The following SGCZ variants were observed in gnomAD, a reference collection of about 807,000 sequenced individuals.
The protein encoded by SGCZ is zeta-sarcoglycan.
SGCZ carries 40 observed loss-of-function variants against 41.3 expected under a neutral mutation model. The ratio of observed to expected loss-of-function variants is 0.97; its 90% confidence interval spans 0.75 to 1.26. The LOEUF is 1.26. Ranked by LOEUF, SGCZ falls within the 50% of genes most tolerant of loss-of-function variation. The pLI, the probability that SGCZ is intolerant of heterozygous loss-of-function variation, is 0.00. For missense variants in SGCZ, 552 were observed against 369.8 expected, an observed-to-expected ratio of 1.49 and a Z score of -4.04; for synonymous variants, 206 against 137.5, an observed-to-expected ratio of 1.50 and a Z score of -3.49.
chr8:15,019,195 T>G (rs1803157343), intron 1 of SGCZ, among the ~76,000 whole-genome samples: 1 of 152,178 alleles, frequency 6.6e-6, no homozygotes, highest in African/African-American at 2.4e-5. Context: ...TTTGATGTGA[T>G]GGACTGGACT....
intron 3 of SGCZ, among the ~76,000 whole-genome samples, chr8:14,252,702 G>T (rs1018960923): frequency 2.0e-5 from 3 of 152,140 alleles, no homozygotes; most frequent in Non-Finnish European, 4.4e-5. Flanking sequence ...ATTTTCAAGA[G>T]GCTCAAGGAT....
intron 1 of SGCZ, among the ~76,000 whole-genome samples, chr8:14,651,973 G>C (rs909814683): frequency 6.6e-6 from 1 of 151,768 alleles, no homozygotes; most frequent in Non-Finnish European, 1.5e-5. Flanking sequence ...CAAAAAAAAC[G>C]GGTCTCCTAC....
At chr8:14,664,402 G>T (rs111996703) in intron 1 of SGCZ, among the ~76,000 whole-genome samples, 3,028 of 152,236 alleles carry the variant, frequency 0.02, 92 homozygotes, top group African/African-American at 0.069. Context: ...GTGCTTAGAA[G>T]TGTGTCTTTA....
intron 1 of SGCZ, among the ~76,000 whole-genome samples, chr8:15,229,274 A>G (rs1801873940): frequency 6.6e-6 from 1 of 152,248 alleles, no homozygotes. Context: ...ACATGAAAAT[A>G]ATTAAGAGTA....
At chr8:15,064,475 T>C (rs1229509606) in intron 1 of SGCZ, among the ~76,000 whole-genome samples, 1 of 151,028 alleles carries the variant, frequency 6.6e-6, no homozygotes, top group Non-Finnish European at 1.5e-5. Context: ...GACTTAGAGC[T>C]TCAACCTTGT....
intron 2 of SGCZ, among the ~76,000 whole-genome samples, chr8:14,396,008 C>T (rs79440003): frequency 0.037 from 5,624 of 151,924 alleles, 347 homozygotes; most frequent in African/African-American, 0.13. Context: ...ACTGTATGTG[C>T]GTTTATGATC....
chr8:14,593,419 T>C (rs1172795558), intron 1 of SGCZ, among the ~76,000 whole-genome samples: 2 of 152,174 alleles, frequency 1.3e-5, no homozygotes, highest in East Asian at 3.9e-4. Context: ...AGATGTCTGA[T>C]CTCCAGAACG....
chr8:14,778,177 G>T (rs1175812223), intron 1 of SGCZ, among the ~76,000 whole-genome samples: 2 of 151,912 alleles, frequency 1.3e-5, no homozygotes, highest in African/African-American at 2.4e-5. Flanking sequence ...ATCCTCCCTC[G>T]ATCTCCTAAA....
chr8:15,086,840 A>G (rs1805967380), intron 1 of SGCZ, among the ~76,000 whole-genome samples: 1 of 152,064 alleles, frequency 6.6e-6, no homozygotes. Flanking sequence ...CCATTTTTCC[A>G]GCCAGGTGGA....
At chr8:14,690,338 T>G (rs1356880639) in intron 1 of SGCZ, 1 of 152,058 alleles carries the variant, frequency 6.6e-6, no homozygotes, top group African/African-American at 2.4e-5. Context: ...ACTCCTTGCC[T>G]CCTGTGTGGG....
chr8:14,795,286 T>A (rs887249305), intron 1 of SGCZ, among the ~76,000 whole-genome samples: 1 of 152,208 alleles, frequency 6.6e-6, no homozygotes, highest in African/African-American at 2.4e-5. Flanking sequence ...AGGATTTACT[T>A]AACATAGAAG....
chr8:14,191,625 A>T lies in SGCZ; in HGVS notation c.425-26923T>A, dbSNP rs902619271. On this transcript the variant is annotated intron_variant, in intron 4 of 7. Coordinates refer to ENST00000382080, the MANE Select transcript of SGCZ (RefSeq NM_139167.4). ...CTCAAACACACCTGGCTGCAAGGGA[A>T]ATGTGTAACCCTGAGCTGGCCAGTT... 9.9e-5 allele frequency among the ~76,000 whole-genome samples: 15 copies of T among 152,220 alleles called. 1 individual carries two copies. The highest frequency in any genetic ancestry group is 4.6e-4 in the Admixed American group (7 of 15,280).
intron 2 of SGCZ, among the ~76,000 whole-genome samples, chr8:14,395,681 C>G (rs1167068040): frequency 6.6e-6 from 1 of 152,148 alleles, no homozygotes; most frequent in Non-Finnish European, 1.5e-5. Context: ...TACCCTGACC[C>G]ATTTTCCAAA....
chr8:14,358,270 A>T (rs897958588), intron 2 of SGCZ, among the ~76,000 whole-genome samples: 4 of 152,176 alleles, frequency 2.6e-5, no homozygotes, highest in Non-Finnish European at 5.9e-5. Flanking sequence ...TTTTAGATTG[A>T]TATTTTCTTT....
chr8:14,195,886 A>G (rs1265290884), intron 4 of SGCZ, among the ~76,000 whole-genome samples: 1 of 152,168 alleles, frequency 6.6e-6, no homozygotes, highest in African/African-American at 2.4e-5. Flanking sequence ...AGCAACCTGC[A>G]CTATCGGGAA....
At chr8:14,921,224 T>C (rs943291702) in intron 1 of SGCZ, among the ~76,000 whole-genome samples, 2 of 152,168 alleles carry the variant, frequency 1.3e-5, no homozygotes, top group African/African-American at 4.8e-5. Flanking sequence ...ACAATGCTCC[T>C]ACTTTCAAAT....
At chr8:15,174,080 G>A (rs1035169453) in intron 1 of SGCZ, among the ~76,000 whole-genome samples, 1 of 152,222 alleles carries the variant, frequency 6.6e-6, no homozygotes, top group South Asian at 2.1e-4. Context: ...CATTGATCAT[G>A]CTGCATATTA....
At chr8:15,200,826 G>T (rs1210752525) in intron 1 of SGCZ, among the ~76,000 whole-genome samples, 1 of 152,124 alleles carries the variant, frequency 6.6e-6, no homozygotes, top group African/African-American at 2.4e-5. Context: ...TCCTTAACCT[G>T]TCACACTCTG....
chr8:15,184,019 GA>G (rs1237963757), intron 1 of SGCZ, among the ~76,000 whole-genome samples: 4 of 152,124 alleles, frequency 2.6e-5, no homozygotes, highest in African/African-American at 9.7e-5. Context: ...AGGTAGAGTG[GA>G]AAAGCAGTTA....
Sources: allele counts gnomAD v4.1 joint callset (sites outside exome capture counted in the v4.1 genomes callset), GRCh38; gene constraint gnomAD v4.1.1; transcripts MANE v1.5; gene names NCBI Gene and HGNC (gene_info 2026-07-23, HGNC 2026-07-21).